Variants in GABRA3 observed in about 807,000 individuals in gnomAD.
GABRA3 encodes the protein gamma-aminobutyric acid receptor subunit alpha-3.
GABRA3 carries 10 observed loss-of-function variants against 30.1 expected under a neutral mutation model. That is an observed-to-expected ratio of 0.33 (90% CI 0.20 to 0.56). The LOEUF is 0.56. Ranked by LOEUF, GABRA3 falls within the 20% of genes least tolerant of loss-of-function variation. GABRA3 has a pLI of 0.89. For synonymous variants in GABRA3, 151 were observed against 146.8 expected, an observed-to-expected ratio of 1.03 and a Z score of -0.21; for missense variants, 233 against 392.0, an observed-to-expected ratio of 0.59 and a Z score of 3.42.
intron 4 of GABRA3, among the ~76,000 whole-genome samples, chrX:152,256,748 T>C (rs1214130441): frequency 8.9e-6 from 1 of 112,294 alleles, no homozygotes; most frequent in African/African-American, 3.2e-5. Context: ...AACAACTGTA[T>C]ATACCTGTAT....
At chrX:152,241,667 C>T (rs375845768) in intron 5 of GABRA3, among the ~76,000 whole-genome samples, 13 of 109,213 alleles carry the variant, frequency 1.2e-4, no homozygotes, top group South Asian at 4.1e-4. Flanking sequence ...ATTCCGTGGG[C>T]GTAGGACCCT....
intron 3 of GABRA3, among the ~76,000 whole-genome samples, chrX:152,294,477 C>G (rs112636095): frequency 0.066 from 7,295 of 111,206 alleles, 280 homozygotes; most frequent in African/African-American, 0.12. Context: ...TCAGCTCCAT[C>G]GGGTCACTGA....
chrX:152,266,918 T>C (rs1025334520), intron 4 of GABRA3, among the ~76,000 whole-genome samples: 3 of 111,643 alleles, frequency 2.7e-5, no homozygotes, highest in African/African-American at 6.5e-5. Flanking sequence ...AATCAGTAGA[T>C]GATTGAATGA....
chrX:152,368,715 T>C (rs1361643756), intron 1 of GABRA3, among the ~76,000 whole-genome samples: 2 of 87,073 alleles, frequency 2.3e-5, no homozygotes, highest in Non-Finnish European at 4.5e-5. Context: ...TTTTTTTTTT[T>C]TTTTTTTTGA....
At chrX:152,239,672 G>A (rs1419349034) in intron 5 of GABRA3, among the ~76,000 whole-genome samples, 2 of 92,531 alleles carry the variant, frequency 2.2e-5, no homozygotes, top group East Asian at 3.9e-4. Context: ...ATGAATCTGG[G>A]TGCTCCTGTA....
chrX:152,371,712 T>C (rs1928846325), intron 1 of GABRA3, among the ~76,000 whole-genome samples: 3 of 111,521 alleles, frequency 2.7e-5, no homozygotes, highest in Non-Finnish European at 5.6e-5. Flanking sequence ...CATTCCCTCA[T>C]ACTATCTATA....
chrX:152,168,114 G>C lies in GABRA3; in HGVS notation c.*114C>G, dbSNP rs745808891. ...AAATATGAATTGAGGGTCACAGCTT[G>C]GTAGAGGGGTAAAAAGGAGAATCCT... On this transcript the variant is annotated 3_prime_UTR_variant, in exon 10 of 10. Transcript: ENST00000370314. The C allele has an allele frequency of 3.6e-6, 2 of 549,846 alleles. No homozygotes were observed. The highest frequency in any genetic ancestry group is 6.0e-6 in the Non-Finnish European group (2 of 331,006). The allele number at this position is 549,846 out of a possible 1,213,427, so 45.3% of individuals were successfully genotyped here. A position where few individuals can be genotyped will look rare whatever the true frequency, so the allele number is the denominator to read the frequency against.
chrX:152,444,357 A>T (rs1471642459), intron 1 of GABRA3, among the ~76,000 whole-genome samples: 2 of 111,686 alleles, frequency 1.8e-5, no homozygotes, highest in African/African-American at 6.5e-5. Context: ...GAGAAGAACA[A>T]CCATGGTTAA....
intron 3 of GABRA3, among the ~76,000 whole-genome samples, chrX:152,324,586 A>G (rs763647715): frequency 1.8e-5 from 2 of 112,060 alleles, no homozygotes; most frequent in East Asian, 5.6e-4. Flanking sequence ...GATTTTGTTT[A>G]GTAGGTCAAT....
Position 152,284,660 on chromosome X carries a change from G to A in GABRA3, c.330+8C>T, listed in dbSNP as rs202044719. On this transcript the variant is annotated splice_region_variant and intron_variant, in intron 4 of 9. Coordinates refer to ENST00000370314, the MANE Select transcript of GABRA3 (RefSeq NM_000808.4). ...TCCTCTTTTACATTTACCTTTGCAA[G>A]AACTTACCATGTCAGTGTCTGACAC... The A allele has an allele frequency of 1.2e-5, 14 of 1,159,753 alleles. No homozygotes were observed. In the Admixed American group the frequency reaches 2.9e-4, roughly 24 times the overall value.
chrX:152,414,978 G>T (rs905516036), intron 1 of GABRA3, among the ~76,000 whole-genome samples: 11 of 109,697 alleles, frequency 1.0e-4, no homozygotes, highest in African/African-American at 3.3e-5. Context: ...ACTACATAAA[G>T]ACTAAAAAGA....
At chrX:152,388,660 A>T (rs1050095682) in intron 1 of GABRA3, among the ~76,000 whole-genome samples, 2 of 112,518 alleles carry the variant, frequency 1.8e-5, no homozygotes, top group Non-Finnish European at 3.8e-5. Flanking sequence ...ATCATGAAAC[A>T]TGTCATAATA....
intron 1 of GABRA3, 42 bp downstream of exon 1, chrX:152,451,104 G>A (rs1385114580): frequency 2.7e-5 from 3 of 112,155 alleles, no homozygotes; most frequent in Non-Finnish European, 5.6e-5. Context: ...AAGGAGACCT[G>A]AGCTTGGGGG....
At chrX:152,293,075 T>G (rs927931878) in intron 3 of GABRA3, among the ~76,000 whole-genome samples, 6 of 111,482 alleles carry the variant, frequency 5.4e-5, no homozygotes, top group Admixed American at 1.9e-4. Context: ...ATCTGCTTGG[T>G]GCAGAGCTGA....
chrX:152,443,929 T>C (rs1382598497), intron 1 of GABRA3, among the ~76,000 whole-genome samples: 1 of 111,782 alleles, frequency 8.9e-6, no homozygotes, highest in Non-Finnish European at 1.9e-5. Context: ...GCTCACAATA[T>C]AATACCAATG....
At chrX:152,275,762 A>G (rs1458257159) in intron 4 of GABRA3, among the ~76,000 whole-genome samples, 1 of 108,387 alleles carries the variant, frequency 9.2e-6, no homozygotes, top group Non-Finnish European at 1.9e-5. Context: ...CCATCTCAAA[A>G]TAAATAAATA....
intron 4 of GABRA3, among the ~76,000 whole-genome samples, chrX:152,271,064 C>T (rs1474598756): frequency 5.6e-5 from 6 of 107,973 alleles, no homozygotes; most frequent in South Asian, 8.4e-4. Context: ...CGGGTTCAAG[C>T]GATTCTCCTG....
intron 3 of GABRA3, among the ~76,000 whole-genome samples, 172 bp from the exon 4 acceptor site, chrX:152,284,907 G>A (rs1344589964): frequency 3.6e-5 from 4 of 111,618 alleles, no homozygotes; most frequent in Non-Finnish European, 7.5e-5. Flanking sequence ...GCTAGGTACA[G>A]ACTCAAAGTC....
chrX:152,227,959 G>T (rs867667589), intron 5 of GABRA3, among the ~76,000 whole-genome samples: 1 of 110,997 alleles, frequency 9.0e-6, no homozygotes, highest in African/African-American at 3.3e-5. Flanking sequence ...GGTTATCTTT[G>T]AGCAAGTATG....
Sources: allele counts gnomAD v4.1 joint callset (sites outside exome capture counted in the v4.1 genomes callset), GRCh38; gene constraint gnomAD v4.1.1; transcripts MANE v1.5; gene names NCBI Gene and HGNC (gene_info 2026-07-23, HGNC 2026-07-21).